CDH2: variants seen among roughly 807,000 people sequenced by gnomAD.
CDH2 encodes the protein cadherin 2, also known as cadherin-2.
CDH2 carries 17 observed loss-of-function variants against 92.0 expected under a neutral mutation model. That is an observed-to-expected ratio of 0.18 (90% CI 0.13 to 0.28). The LOEUF (loss-of-function observed/expected upper bound fraction) is 0.28, where lower values mean the gene tolerates loss of function less well. Ranked by LOEUF, CDH2 falls within the 10% of genes least tolerant of loss-of-function variation. The pLI is 1.00. For synonymous variants in CDH2, 419 were observed against 415.9 expected, an observed-to-expected ratio of 1.01 and a Z score of -0.09; for missense variants, 862 against 1,133.1, an observed-to-expected ratio of 0.76 and a Z score of 3.44.
At chr18:27,972,385 A>G (rs1004912973) in intron 14 of CDH2, among the ~76,000 whole-genome samples, 1 of 152,174 alleles carries the variant, frequency 6.6e-6, no homozygotes, top group African/African-American at 2.4e-5. Flanking sequence ...TAAATAAAAT[A>G]TCTATCATAT....
intron 4 of CDH2, among the ~76,000 whole-genome samples, 163 bp downstream of exon 4, chr18:28,011,683 T>G (rs776144306): frequency 2.0e-5 from 3 of 152,120 alleles, no homozygotes; most frequent in Non-Finnish European, 4.4e-5. Flanking sequence ...ACAAAGAAAA[T>G]GAGAAGAGGC....
At chr18:27,981,257 C>T (rs373970231) in intron 14 of CDH2, among the ~76,000 whole-genome samples, 14 of 151,980 alleles carry the variant, frequency 9.2e-5, no homozygotes, top group Admixed American at 3.3e-4. Flanking sequence ...TGGAAGTAGA[C>T]GATTTATGAG....
intron 1 of CDH2, among the ~76,000 whole-genome samples, chr18:28,158,128 G>C (rs1367570067): frequency 6.6e-6 from 1 of 152,246 alleles, no homozygotes; most frequent in Admixed American, 6.5e-5. Flanking sequence ...TGAGTAGCTG[G>C]CCATAGTGAT....
chr18:27,994,884 T>C (rs1273228552), intron 7 of CDH2, among the ~76,000 whole-genome samples: 1 of 152,188 alleles, frequency 6.6e-6, no homozygotes, highest in Non-Finnish European at 1.5e-5. Context: ...CAGTTATTTA[T>C]TTCAGTTATT....
intron 2 of CDH2, among the ~76,000 whole-genome samples, chr18:28,018,363 T>C (rs1205571101): frequency 1.3e-5 from 2 of 152,066 alleles, no homozygotes; most frequent in East Asian, 1.9e-4. Context: ...AATGCCACCA[T>C]TATTCTTCAC....
chr18:28,058,162 A>G (rs2014332108), intron 2 of CDH2, among the ~76,000 whole-genome samples: 1 of 152,252 alleles, frequency 6.6e-6, no homozygotes, highest in Non-Finnish European at 1.5e-5. Context: ...CATGCAGGAA[A>G]GCCAATACAA....
chr18:28,037,057 T>C (rs1177056680), intron 2 of CDH2, among the ~76,000 whole-genome samples: 2 of 152,178 alleles, frequency 1.3e-5, no homozygotes, highest in Non-Finnish European at 2.9e-5. Context: ...ATGCTTTGCA[T>C]ACTCAGTAGC....
At chr18:28,152,775 AGT>A (rs1378399784) in intron 1 of CDH2, among the ~76,000 whole-genome samples, 1 of 152,082 alleles carries the variant, frequency 6.6e-6, no homozygotes, top group East Asian at 1.9e-4. Flanking sequence ...TTTGTGGGAA[AGT>A]GTGTGTGTGA....
chr18:28,075,664 C>T (rs2014705219), intron 2 of CDH2, among the ~76,000 whole-genome samples: 1 of 152,126 alleles, frequency 6.6e-6, no homozygotes, highest in Non-Finnish European at 1.5e-5. Flanking sequence ...TGTGCTGCTC[C>T]CTGGCACTAG....
intron 7 of CDH2, 98 bp downstream of exon 7, chr18:28,002,899 G>T: frequency 9.5e-7 from 1 of 1,057,334 alleles, no homozygotes; most frequent in Non-Finnish European, 1.4e-6. Context: ...GAATAACACT[G>T]TGAGTATATT....
At chr18:28,128,264 T>C (rs1568009009) in intron 2 of CDH2, among the ~76,000 whole-genome samples, 2 of 152,202 alleles carry the variant, frequency 1.3e-5, no homozygotes, top group Non-Finnish European at 2.9e-5. Flanking sequence ...TTTGGCTAAG[T>C]CTCATAATCT....
intron 6 of CDH2, among the ~76,000 whole-genome samples, chr18:27,933,411 G>A (rs55720993): frequency 3.2e-4 from 49 of 152,270 alleles, no homozygotes; most frequent in African/African-American, 1.2e-3. Context: ...GTATAGGTAT[G>A]TTGTGAAATA....
chr18:28,055,253 AAACT>A (rs1454718549), intron 2 of CDH2, among the ~76,000 whole-genome samples: 7 of 152,182 alleles, frequency 4.6e-5, no homozygotes, highest in African/African-American at 7.2e-5. Flanking sequence ...CAGTGTGGGG[AAACT>A]GCCTCCATAA....
At chr18:28,101,288 A>T (rs1303271287) in intron 2 of CDH2, among the ~76,000 whole-genome samples, 1 of 152,070 alleles carries the variant, frequency 6.6e-6, no homozygotes, top group African/African-American at 2.4e-5. Context: ...AGACCTTCCC[A>T]TGCCCTCAAA....
chr18:27,938,622 A>G (rs1909071958), intron 6 of CDH2, among the ~76,000 whole-genome samples: 1 of 152,222 alleles, frequency 6.6e-6, no homozygotes, highest in Non-Finnish European at 1.5e-5. Flanking sequence ...AGTAGGAATT[A>G]TTAATAATTA....
chr18:28,012,068 C>A, intron 3 of CDH2, 76 bp from the exon 4 acceptor site: 1 of 1,224,880 alleles, frequency 8.2e-7, no homozygotes, highest in Non-Finnish European at 1.2e-6. Flanking sequence ...TTATTGAATA[C>A]CTGAAAGCAT....
chr18:28,081,685 T>C (rs546861712), intron 2 of CDH2, among the ~76,000 whole-genome samples: 1 of 152,326 alleles, frequency 6.6e-6, no homozygotes, highest in Admixed American at 6.5e-5. Flanking sequence ...GCTTCAGGAC[T>C]GTCCATAAGA....
intron 2 of CDH2, among the ~76,000 whole-genome samples, chr18:28,041,515 G>T (rs553904324): frequency 2.7e-4 from 41 of 152,322 alleles, no homozygotes; most frequent in Middle Eastern, 6.8e-3. Flanking sequence ...TGAACAGTCA[G>T]CAGGCAACTG....
intron 14 of CDH2, among the ~76,000 whole-genome samples, chr18:27,971,242 A>T (rs899036930): frequency 6.6e-6 from 1 of 152,056 alleles, no homozygotes; most frequent in Non-Finnish European, 1.5e-5. Flanking sequence ...TCTCAAAAAA[A>T]AAAAGGTAGC....
Sources: allele counts gnomAD v4.1 joint callset (sites outside exome capture counted in the v4.1 genomes callset), GRCh38; gene constraint gnomAD v4.1.1; transcripts MANE v1.5; gene names NCBI Gene and HGNC (gene_info 2026-07-23, HGNC 2026-07-21).